NYAP2: variants seen among roughly 807,000 people sequenced by gnomAD.
NYAP2 encodes the protein neuronal tyrosine-phosphorylated phosphoinositide-3-kinase adaptor 2.
NYAP2 carries 23 observed loss-of-function variants against 50.4 expected under a neutral mutation model. That is an observed-to-expected ratio of 0.46 (90% confidence interval 0.33 to 0.65). NYAP2 has a LOEUF of 0.65. Ranked by LOEUF, NYAP2 falls within the 30% of genes least tolerant of loss-of-function variation. The pLI is 0.02. For synonymous variants in NYAP2, 394 were observed against 365.2 expected (o/e 1.08, Z -0.90); for missense variants, 885 against 861.0 (o/e 1.03, Z -0.35).
At chr2:225,649,151 C>T (rs1693688972) in intron 6 of NYAP2, among the ~76,000 whole-genome samples, 1 of 152,110 alleles carries the variant, frequency 6.6e-6, no homozygotes, top group Non-Finnish European at 1.5e-5. Flanking sequence ...ACTAAAAGCA[C>T]TTGTTATGTG....
intron 4 of NYAP2, among the ~76,000 whole-genome samples, chr2:225,566,444 T>C (rs899027061): frequency 1.3e-5 from 2 of 152,170 alleles, no homozygotes; most frequent in Non-Finnish European, 2.9e-5. Context: ...TTCTACAGAG[T>C]TGACTGCCCC....
intron 4 of NYAP2, among the ~76,000 whole-genome samples, chr2:225,518,145 C>A (rs1460602541): frequency 6.6e-6 from 1 of 151,942 alleles, no homozygotes; most frequent in East Asian, 1.9e-4. Context: ...CACACATACA[C>A]ACACATACAT....
the NYAP2 span, among the ~76,000 whole-genome samples, chr2:225,678,510 C>A: frequency 6.6e-6 from 1 of 152,076 alleles, no homozygotes; most frequent in Non-Finnish European, 1.5e-5. Context: ...ATCCCTTACT[C>A]TTCTCAAAAC....
Position 225,400,594 on chromosome 2 carries a change from G to A in NYAP2, c.-467G>A, listed in dbSNP as rs928756855. 1.3e-5 allele frequency: 2 copies of A among 152,032 alleles called. No individual in the cohort carries two copies. Among genetic ancestry groups the A allele is most frequent in the African/African-American group, 4.8e-5 (2 of 41,400 alleles). 9.4% of individuals were successfully genotyped at this position (152,032 alleles called of 1,614,324 possible). ...CAAATGAGGTACATTAGCCAGCTTG[G>A]TGATTGCTTCTGGTCCTGTAATCAT... On this transcript the variant is annotated 5_prime_UTR_variant, in exon 2 of 7. It adds an upstream start codon to the 5' untranslated region. Transcript: ENST00000636099.
At chr2:225,645,491 T>TTC (rs376306702) in intron 6 of NYAP2, among the ~76,000 whole-genome samples, 330 of 151,776 alleles carry the variant, frequency 2.2e-3, no homozygotes, top group South Asian at 5.4e-3. Flanking sequence ...TCCACTGCCT[T>TTC]TCTCTCTCTC....
intron 5 of NYAP2, among the ~76,000 whole-genome samples, chr2:225,622,517 T>C (rs1466653412): frequency 3.2e-5 from 1 of 31,222 alleles, no homozygotes; most frequent in East Asian, 1.8e-3. Context: ...TTTCTTTCTT[T>C]CTTCTTTCTT....
chr2:225,409,404 G>A (rs1694995155), intron 3 of NYAP2, among the ~76,000 whole-genome samples: 1 of 151,960 alleles, frequency 6.6e-6, no homozygotes, highest in Non-Finnish European at 1.5e-5. Flanking sequence ...AAGACGCAAG[G>A]GAACACACAA....
chr2:225,566,716 G>A (rs1691968790), intron 4 of NYAP2, among the ~76,000 whole-genome samples: 1 of 152,184 alleles, frequency 6.6e-6, no homozygotes, highest in Non-Finnish European at 1.5e-5. Flanking sequence ...ACTTGCTGAT[G>A]GCTTCAAAAT....
At chr2:225,452,059 A>C (rs1361416353) in intron 3 of NYAP2, among the ~76,000 whole-genome samples, 1 of 152,210 alleles carries the variant, frequency 6.6e-6, no homozygotes, top group African/African-American at 2.4e-5. Context: ...AAAGATGCTT[A>C]ACACCAATTA....
chr2:225,413,881 C>T (rs186890079), intron 3 of NYAP2, among the ~76,000 whole-genome samples: 1 of 152,092 alleles, frequency 6.6e-6, no homozygotes, highest in African/African-American at 2.4e-5. Context: ...CATGTTTGAC[C>T]TTGAAAAGGC....
At chr2:225,483,859 A>G (rs1690247743) in intron 3 of NYAP2, among the ~76,000 whole-genome samples, 1 of 152,236 alleles carries the variant, frequency 6.6e-6, no homozygotes, top group Non-Finnish European at 1.5e-5. Flanking sequence ...TATTTCAAAT[A>G]CTATCTGGAG....
intron 5 of NYAP2, among the ~76,000 whole-genome samples, chr2:225,619,942 T>C (rs907692896): frequency 7.9e-5 from 12 of 152,236 alleles, no homozygotes; most frequent in African/African-American, 2.2e-4. Context: ...AATTAGATTT[T>C]AGAGCAATAG....
chr2:225,533,093 C>T (rs955637529), intron 4 of NYAP2, among the ~76,000 whole-genome samples: 1 of 152,172 alleles, frequency 6.6e-6, no homozygotes, highest in African/African-American at 2.4e-5. Context: ...GCACCTACCC[C>T]AAACTAGAAG....
At chr2:225,507,785 TAA>T (rs1173933473) in intron 3 of NYAP2, among the ~76,000 whole-genome samples, 3 of 152,378 alleles carry the variant, frequency 2.0e-5, no homozygotes, top group Non-Finnish European at 4.4e-5. Flanking sequence ...ATCAGACTGC[TAA>T]ATGCTTCATA....
At chr2:225,472,924 C>T (rs1690036086) in intron 3 of NYAP2, among the ~76,000 whole-genome samples, 1 of 152,146 alleles carries the variant, frequency 6.6e-6, no homozygotes, top group Admixed American at 6.6e-5. Context: ...TTGTCATTTA[C>T]ATTAGGCATA....
chr2:225,489,342 C>T (rs761706600), intron 3 of NYAP2, among the ~76,000 whole-genome samples: 1 of 151,856 alleles, frequency 6.6e-6, no homozygotes, highest in East Asian at 1.9e-4. Flanking sequence ...TACAGGTGCC[C>T]GCCACCATAC....
At chr2:225,446,215 TG>T (rs1689553627) in intron 3 of NYAP2, among the ~76,000 whole-genome samples, 3 of 57,228 alleles carry the variant, frequency 5.2e-5, no homozygotes, top group African/African-American at 1.9e-4. Flanking sequence ...TCTGTCTGTC[TG>T]TCTCTCTCTC....
At chr2:225,671,507 A>G in the NYAP2 span, among the ~76,000 whole-genome samples, 1 of 152,106 alleles carries the variant, frequency 6.6e-6, no homozygotes, top group Admixed American at 6.6e-5. Flanking sequence ...CCACTTTACC[A>G]CATCTGCAGT....
intron 4 of NYAP2, among the ~76,000 whole-genome samples, chr2:225,517,056 T>C (rs997989698): frequency 6.6e-6 from 1 of 151,700 alleles, no homozygotes; most frequent in African/African-American, 2.4e-5. Flanking sequence ...AAAATAAAAC[T>C]GTTGAGCACA....
Sources: allele counts gnomAD v4.1 joint callset (sites outside exome capture counted in the v4.1 genomes callset), GRCh38; gene constraint gnomAD v4.1.1; transcripts MANE v1.5; gene names NCBI Gene and HGNC (gene_info 2026-07-23, HGNC 2026-07-21).